Variants in ETFA observed in about 807,000 individuals in gnomAD.
The protein encoded by ETFA is electron transfer flavoprotein subunit alpha, mitochondrial.
In ETFA, 22 loss-of-function variants were observed where a neutral mutation model predicts 46.2. The observed-to-expected ratio is 0.48, with a 90% CI of 0.34 to 0.68. The LOEUF (loss-of-function observed/expected upper bound fraction) is 0.68, where lower values mean the gene tolerates loss of function less well. Among genes scored for constraint, ETFA ranks in the 30% least tolerant of loss-of-function variants. The pLI, the probability that ETFA is intolerant of heterozygous loss-of-function variation, is 0.01. For synonymous variants in ETFA, 131 were observed against 139.9 expected, an observed-to-expected ratio of 0.94 and a Z score of 0.45; for missense variants, 345 against 401.1, an observed-to-expected ratio of 0.86 and a Z score of 1.19.
chr15:76,285,582 A>T, intron 7 of ETFA, 55 bp downstream of exon 7: 1 of 1,024,186 alleles, frequency 9.8e-7, no homozygotes. Context: ...TAAAAATAAA[A>T]AAAAAAATCA....
intron 11 of ETFA, among the ~76,000 whole-genome samples, chr15:76,218,241 G>A (rs2245180): frequency 0.98 from 149,107 of 152,356 alleles, 73,045 homozygotes; most frequent in South Asian, 1. Flanking sequence ...TCTATCATCT[G>A]TCTTTTTTTA....
intron 9 of ETFA, among the ~76,000 whole-genome samples, chr15:76,272,931 G>A (rs1312260470): frequency 6.6e-6 from 1 of 151,630 alleles, no homozygotes; most frequent in Non-Finnish European, 1.5e-5. Flanking sequence ...CAAGCAAACA[G>A]GCCACATGAT....
chr15:76,307,106 G>A (rs985432866), intron 1 of ETFA, among the ~76,000 whole-genome samples: 6 of 152,078 alleles, frequency 3.9e-5, no homozygotes, highest in Non-Finnish European at 7.4e-5. Context: ...GTACTCAAAT[G>A]ACCTTGAAAT....
intron 9 of ETFA, among the ~76,000 whole-genome samples, chr15:76,249,435 ATTTT>A (rs375408996): frequency 5.3e-5 from 4 of 74,804 alleles, no homozygotes; most frequent in South Asian, 4.8e-4. Context: ...GTCCATGGTA[ATTTT>A]TTTTTTTTTT....
In ETFA at chr15:76,279,465, C is replaced by T. The variant is rs148950182; in HGVS notation, c.733+4292G>A. Among the ~76,000 whole-genome samples, 168 of 152,182 alleles carry T rather than the reference C, an allele frequency of 1.1e-3. 1 individual carries two copies. The highest frequency in any genetic ancestry group is 4.0e-3 in the African/African-American group (164 of 41,518). On this transcript the variant is annotated intron_variant, in intron 8 of 11. Transcript: ENST00000557943. ...CTAATTCTGATATTGTTTGTAGAGACGGGGTTTTGCCGTGTTGCCCAGGCT... is the reference window on the plus strand; with the variant it reads ...CTAATTCTGATATTGTTTGTAGAGATGGGGTTTTGCCGTGTTGCCCAGGCT...
intron 1 of ETFA, among the ~76,000 whole-genome samples, chr15:76,303,587 C>A (rs1015347405): frequency 1.3e-5 from 2 of 152,018 alleles, no homozygotes; most frequent in Non-Finnish European, 2.9e-5. Flanking sequence ...CGTCTAATAA[C>A]CAGAATCTAT....
intron 9 of ETFA, among the ~76,000 whole-genome samples, chr15:76,253,715 GGA>G (rs1475933848): frequency 3.3e-5 from 5 of 152,258 alleles, no homozygotes. Context: ...GTGGGGGAGG[GGA>G]GAGATTTTGG....
intron 9 of ETFA, chr15:76,259,131 G>T: frequency 6.6e-7 from 1 of 1,505,424 alleles, no homozygotes; most frequent in Non-Finnish European, 9.2e-7. Flanking sequence ...TTCACTGGGA[G>T]TGCCACCCAC....
chr15:76,253,421 A>G (rs1191155252), intron 9 of ETFA, among the ~76,000 whole-genome samples: 1 of 152,166 alleles, frequency 6.6e-6, no homozygotes, highest in Non-Finnish European at 1.5e-5. Context: ...TACTTTATGA[A>G]GTAGGGAACT....
intron 1 of ETFA, among the ~76,000 whole-genome samples, chr15:76,305,862 G>T (rs59746767): frequency 0.29 from 40,969 of 143,194 alleles, 6,205 homozygotes; most frequent in East Asian, 0.57. Context: ...CTCAATAGTT[G>T]TTTTTTTTTT....
At chr15:76,228,267 C>T (rs2039025650) in intron 10 of ETFA, 1 of 321,894 alleles carries the variant, frequency 3.1e-6, no homozygotes, top group South Asian at 2.7e-5. Flanking sequence ...TCACAGAAGC[C>T]TTGATCTCCT....
intron 9 of ETFA, among the ~76,000 whole-genome samples, chr15:76,244,751 G>A (rs1282542687): frequency 6.6e-6 from 1 of 151,774 alleles, no homozygotes; most frequent in Non-Finnish European, 1.5e-5. Flanking sequence ...ACACAGCTAC[G>A]ACAAAGACTG....
intron 4 of ETFA, among the ~76,000 whole-genome samples, chr15:76,289,696 C>T (rs1221778207): frequency 2.6e-5 from 4 of 152,130 alleles, no homozygotes; most frequent in Non-Finnish European, 5.9e-5. Context: ...TTCTAGCAGA[C>T]AAGTATAAAA....
At chr15:76,267,315 G>A (rs990348641) in intron 9 of ETFA, among the ~76,000 whole-genome samples, 1 of 152,176 alleles carries the variant, frequency 6.6e-6, no homozygotes, top group Non-Finnish European at 1.5e-5. Context: ...GACAAGCGAG[G>A]CTGCGCACAA....
At chr15:76,295,934 T>C (rs865987973) in intron 1 of ETFA, among the ~76,000 whole-genome samples, 197 bp from the exon 2 acceptor site, 12 of 107,038 alleles carry the variant, frequency 1.1e-4, no homozygotes, top group African/African-American at 3.0e-4. Context: ...ACCACTAATA[T>C]TCTTTTTTTT....
At chr15:76,235,197 T>C (rs1452857319) in intron 9 of ETFA, among the ~76,000 whole-genome samples, 1 of 152,184 alleles carries the variant, frequency 6.6e-6, no homozygotes, top group Non-Finnish European at 1.5e-5. Context: ...TAGTATCAGA[T>C]TTCCCAAGAC....
rs1567218247 is a variant in ETFA at position 76,292,453 on chromosome 15, G to GAATTA, written c.328_329insTAATT (p.Ala110ValfsTer16). ...CACCTTTCCGAAGGCAGATGCTCCAGCACAGATGTGTGTGTAATTGAACTG... is the reference window on the plus strand; with the variant it reads ...CACCTTTCCGAAGGCAGATGCTCCAGAATTACACAGATGTGTGTGTAATTGAACTG... On this transcript the variant is annotated frameshift_variant, in exon 4 of 12. Transcript: ENST00000557943. LOFTEE classifies it high-confidence loss of function. 2 of 1,613,430 alleles carry GAATTA rather than the reference G, an allele frequency of 1.2e-6. No individual in the cohort carries two copies. The highest frequency in any genetic ancestry group is 1.7e-6 in the Non-Finnish European group (2 of 1,179,326).
intron 9 of ETFA, chr15:76,258,940 G>A (rs2039374002): frequency 3.8e-6 from 5 of 1,304,108 alleles, no homozygotes; most frequent in Non-Finnish European, 5.5e-6. Context: ...CCAGCACAGT[G>A]GCCATCAGAG....
Position 76,230,354 on chromosome 15 carries a change from G to A in ETFA, c.882+979C>T, listed in dbSNP as rs1350250436. The A allele has an allele frequency of 8.8e-5, 6 of 67,852 alleles. No individual in the cohort carries two copies. The East Asian group carries it at 2.5e-3, about 29-fold the overall frequency. 4.2% of individuals were successfully genotyped at this position (67,852 alleles called of 1,614,324 possible). ...CCATTCTCCTGCCTCAGCCTCCCGA[G>A]TAGCTGGGACTACAGGCGCCCGCTA... On this transcript the variant is annotated intron_variant, in intron 10 of 11. Transcript: ENST00000557943.
Sources: allele counts gnomAD v4.1 joint callset (sites outside exome capture counted in the v4.1 genomes callset), GRCh38; gene constraint gnomAD v4.1.1; transcripts MANE v1.5; gene names NCBI Gene and HGNC (gene_info 2026-07-23, HGNC 2026-07-21).